SYTL5: variants seen among roughly 807,000 people sequenced by gnomAD.
The protein encoded by SYTL5 is synaptotagmin like 5, also known as synaptotagmin-like protein 5.
A neutral mutation model predicts 55.9 loss-of-function variants in SYTL5; 34 were observed. The observed-to-expected ratio is 0.61, with a 90% CI of 0.46 to 0.81. The LOEUF (loss-of-function observed/expected upper bound fraction) is 0.81. SYTL5 is among the 30% of genes least tolerant of loss of function. The probability of loss-of-function intolerance (pLI) is 0.00; values close to 1 mark genes in which losing one functional copy is unlikely to be tolerated. For missense variants in SYTL5, 637 were observed against 546.7 expected (o/e 1.17, Z -1.65); for synonymous variants, 221 against 188.7 (o/e 1.17, Z -1.40).
chrX:38,121,982 T>C, intron 14 of SYTL5, 98 bp from the exon 15 acceptor site: 1 of 825,224 alleles, frequency 1.2e-6, no homozygotes, highest in Non-Finnish European at 1.6e-6. Flanking sequence ...GAAATATATG[T>C]TTGTAGATGA....
At chrX:38,034,904 A>G (rs1935058718) in intron 2 of SYTL5, among the ~76,000 whole-genome samples, 1 of 112,222 alleles carries the variant, frequency 8.9e-6, no homozygotes, top group African/African-American at 3.2e-5. Flanking sequence ...GTCACTGCCA[A>G]CTATGCAATG....
At chrX:37,911,365 C>A in the SYTL5 span, among the ~76,000 whole-genome samples, 1 of 111,292 alleles carries the variant, frequency 9.0e-6, no homozygotes, top group African/African-American at 3.3e-5. Flanking sequence ...ATTGGGATTT[C>A]TTTTAATCTC....
chrX:38,023,478 T>A (rs1484949206), intron 1 of SYTL5, among the ~76,000 whole-genome samples: 1 of 112,165 alleles, frequency 8.9e-6, no homozygotes, highest in Non-Finnish European at 1.9e-5. Context: ...TGATTCATTA[T>A]CAATATGTAT....
the SYTL5 span, among the ~76,000 whole-genome samples, chrX:37,890,840 G>A: frequency 9.0e-6 from 1 of 111,684 alleles, no homozygotes; most frequent in South Asian, 3.8e-4. Flanking sequence ...CAACGTAACA[G>A]CTGAGAGACC....
chrX:37,902,713 G>T, the SYTL5 span, among the ~76,000 whole-genome samples: 3 of 111,674 alleles, frequency 2.7e-5, no homozygotes, highest in African/African-American at 9.8e-5. Flanking sequence ...CCAGGAATGG[G>T]CACATGACCC....
At chrX:38,106,024 G>C (rs1412334039) in intron 10 of SYTL5, among the ~76,000 whole-genome samples, 2 of 112,017 alleles carry the variant, frequency 1.8e-5, no homozygotes, top group Non-Finnish European at 3.8e-5. Context: ...ACTCAGTTGA[G>C]GGAAATCATG....
intron 1 of SYTL5, among the ~76,000 whole-genome samples, chrX:38,009,775 C>G (rs183591342): frequency 1.8e-5 from 2 of 111,427 alleles, no homozygotes; most frequent in African/African-American, 3.3e-5. Flanking sequence ...AGCCAAAGAG[C>G]CAGGTTTAAG....
At chrX:37,936,199 G>A in the SYTL5 span, among the ~76,000 whole-genome samples, 5 of 111,978 alleles carry the variant, frequency 4.5e-5, no homozygotes, top group African/African-American at 1.6e-4. Context: ...ATGCACCCAC[G>A]AAGAGAACAT....
intron 11 of SYTL5, 24 bp from the exon 12 acceptor site, chrX:38,108,576 A>C: frequency 9.4e-7 from 1 of 1,060,547 alleles, no homozygotes; most frequent in Non-Finnish European, 1.3e-6. Context: ...CACAATAATT[A>C]CATTTATATT....
the SYTL5 span, among the ~76,000 whole-genome samples, chrX:37,978,380 T>G: frequency 1.8e-5 from 2 of 111,669 alleles, no homozygotes; most frequent in Admixed American, 1.9e-4. Flanking sequence ...AGACAAGTTA[T>G]TATTTCAGTT....
chrX:37,922,317 C>T, the SYTL5 span, among the ~76,000 whole-genome samples: 3 of 111,239 alleles, frequency 2.7e-5, no homozygotes, highest in African/African-American at 6.5e-5. Flanking sequence ...GGAGAGCCTC[C>T]GAGGTAAAGA....
At chrX:37,933,513 T>C in the SYTL5 span, among the ~76,000 whole-genome samples, 1 of 111,906 alleles carries the variant, frequency 8.9e-6, no homozygotes, top group Non-Finnish European at 1.9e-5. Context: ...CCCTGAAAGA[T>C]CACTCTCAAA....
At chrX:38,018,077 T>C (rs1934420791) in intron 1 of SYTL5, among the ~76,000 whole-genome samples, 1 of 109,711 alleles carries the variant, frequency 9.1e-6, no homozygotes, top group African/African-American at 3.3e-5. Context: ...TAAGAATTCC[T>C]TCATTATCTT....
chrX:37,911,822 G>A, the SYTL5 span, among the ~76,000 whole-genome samples: 4 of 111,143 alleles, frequency 3.6e-5, no homozygotes, highest in East Asian at 2.8e-4. Flanking sequence ...ATACATATAC[G>A]TACATGTATA....
At chrX:37,958,793 C>T in the SYTL5 span, among the ~76,000 whole-genome samples, 2 of 112,323 alleles carry the variant, frequency 1.8e-5, no homozygotes, top group African/African-American at 6.5e-5. Flanking sequence ...ATGCTAAGCA[C>T]AGGATAGTCA....
At chrX:38,117,794 T>C (rs1937517433) in intron 13 of SYTL5, among the ~76,000 whole-genome samples, 1 of 112,118 alleles carries the variant, frequency 8.9e-6, no homozygotes, top group Non-Finnish European at 1.9e-5. Flanking sequence ...CTTCTCTCTG[T>C]GGCTTTAGCC....
chrX:37,903,184 G>A, the SYTL5 span, among the ~76,000 whole-genome samples: 37 of 110,849 alleles, frequency 3.3e-4, no homozygotes, highest in African/African-American at 1.0e-3. Flanking sequence ...ATTCGACCCC[G>A]CCATCCCATT....
chrX:38,125,414 T>A lies in SYTL5; in HGVS notation c.1958T>A (p.Ile653Lys). The change falls in exon 16 of 17, where the codon ATA becomes AAA. Residue 653 changes from isoleucine (I) to lysine (K), a missense_variant. Physicochemically the swap from Ile to Lys is moderately radical, Grantham distance 102. Coordinates refer to ENST00000297875, the MANE Select transcript of SYTL5 (RefSeq NM_138780.3). The part of the protein sequence containing the change: ...FMFSGIHPQD[I>K]KNVCLELTIW... ...TTCAGTGGCATCCATCCCCAGGATA[T>A]AAAGAATGTTTGCCTAGAACTTACT... is the stretch of plus-strand genomic sequence containing the variant. 8.3e-7 allele frequency: 1 copy of A among 1,210,624 alleles called. No individual in the cohort carries two copies. The highest frequency in any genetic ancestry group is 1.1e-6 in the Non-Finnish European group (1 of 894,336).
At chrX:38,062,487 A>C (rs1380529221) in intron 3 of SYTL5, among the ~76,000 whole-genome samples, 2 of 111,969 alleles carry the variant, frequency 1.8e-5, no homozygotes, top group Non-Finnish European at 3.8e-5. Context: ...TTATCAGTAA[A>C]ATAGATTTCA....
Sources: allele counts gnomAD v4.1 joint callset (sites outside exome capture counted in the v4.1 genomes callset), GRCh38; gene constraint gnomAD v4.1.1; transcripts MANE v1.5; gene names NCBI Gene and HGNC (gene_info 2026-07-23, HGNC 2026-07-21).